The following PRELID2 variants were observed in gnomAD, a reference collection of about 807,000 sequenced individuals.
The protein encoded by PRELID2 is PRELI domain-containing protein 2.
A neutral mutation model predicts 28.4 loss-of-function variants in PRELID2; 25 were observed. The observed-to-expected ratio is 0.88, with a 90% CI of 0.64 to 1.23. The LOEUF (loss-of-function observed/expected upper bound fraction) is 1.23. PRELID2 is among the 50% of genes most tolerant of loss of function. The pLI, the probability that PRELID2 is intolerant of heterozygous loss-of-function variation, is 0.00. For missense variants in PRELID2, 201 were observed against 214.4 expected, an observed-to-expected ratio of 0.94 and a Z score of 0.39; for synonymous variants, 76 against 71.6, an observed-to-expected ratio of 1.06 and a Z score of -0.31.
chr5:145,548,736 T>C (rs976886641), intron 1 of PRELID2, among the ~76,000 whole-genome samples: 2 of 152,182 alleles, frequency 1.3e-5, no homozygotes, highest in Non-Finnish European at 2.9e-5. Flanking sequence ...ACCTTCAGTC[T>C]TGCCATCTTG....
the PRELID2 span, among the ~76,000 whole-genome samples, chr5:145,265,847 C>A: frequency 6.6e-6 from 1 of 152,116 alleles, no homozygotes; most frequent in Non-Finnish European, 1.5e-5. Flanking sequence ...AGACCTGAAA[C>A]CATAAAAATT....
intron 5 of PRELID2, among the ~76,000 whole-genome samples, chr5:145,780,319 G>A (rs1293960978): frequency 6.6e-6 from 1 of 152,158 alleles, no homozygotes; most frequent in Non-Finnish European, 1.5e-5. Flanking sequence ...AATAACAACT[G>A]ATCATTTGTT....
chr5:145,371,919 A>G, the PRELID2 span, among the ~76,000 whole-genome samples: 1 of 137,614 alleles, frequency 7.3e-6, no homozygotes, highest in East Asian at 2.3e-4. Flanking sequence ...GGATTCATTG[A>G]TTTTTGGAGA....
the PRELID2 span, among the ~76,000 whole-genome samples, chr5:145,297,475 A>G: frequency 1.3e-5 from 2 of 152,052 alleles, no homozygotes; most frequent in Non-Finnish European, 2.9e-5. Flanking sequence ...TCTCAAAATA[A>G]TAAGAGCTAT....
At chr5:145,458,242 A>G in the PRELID2 span, among the ~76,000 whole-genome samples, 2 of 152,216 alleles carry the variant, frequency 1.3e-5, no homozygotes, top group South Asian at 4.1e-4. Context: ...ACTTTTATTT[A>G]TTTAAAAATG....
intron 1 of PRELID2, among the ~76,000 whole-genome samples, chr5:145,660,652 G>T (rs951646863): frequency 2.0e-5 from 3 of 152,176 alleles, no homozygotes; most frequent in Non-Finnish European, 4.4e-5. Flanking sequence ...GGTTGTGCAT[G>T]CATAATTTAG....
At chr5:145,400,713 G>A in the PRELID2 span, among the ~76,000 whole-genome samples, 1 of 151,946 alleles carries the variant, frequency 6.6e-6, no homozygotes, top group Non-Finnish European at 1.5e-5. Context: ...TTGTTTCTTT[G>A]GACCATCTGA....
chr5:145,463,079 A>G, the PRELID2 span, among the ~76,000 whole-genome samples: 1 of 152,194 alleles, frequency 6.6e-6, no homozygotes, highest in South Asian at 2.1e-4. Flanking sequence ...GAAACTGAAC[A>G]TAAAATGATT....
At chr5:145,459,812 A>AT in the PRELID2 span, among the ~76,000 whole-genome samples, 2 of 148,328 alleles carry the variant, frequency 1.3e-5, no homozygotes, top group African/African-American at 5.2e-5. Flanking sequence ...ATTACAATTT[A>AT]ATTTTTTTTT....
At chr5:145,277,555 C>T in the PRELID2 span, among the ~76,000 whole-genome samples, 3 of 152,174 alleles carry the variant, frequency 2.0e-5, no homozygotes, top group East Asian at 1.9e-4. Flanking sequence ...CTCATAGCTA[C>T]ACCCATAACT....
the PRELID2 span, among the ~76,000 whole-genome samples, chr5:145,255,765 A>G: frequency 6.6e-6 from 1 of 152,142 alleles, no homozygotes; most frequent in African/African-American, 2.4e-5. Context: ...TGGATGACAG[A>G]GCAAGACTCT....
chr5:145,426,996 C>A, the PRELID2 span, among the ~76,000 whole-genome samples: 1 of 152,184 alleles, frequency 6.6e-6, no homozygotes, highest in African/African-American at 2.4e-5. Context: ...CTCTGAGTAA[C>A]TGAATTCACT....
At chr5:145,365,374 C>G in the PRELID2 span, among the ~76,000 whole-genome samples, 1 of 151,700 alleles carries the variant, frequency 6.6e-6, no homozygotes, top group Non-Finnish European at 1.5e-5. Flanking sequence ...TCACATTGTA[C>G]CTCATAAATA....
chr5:145,497,540 C>A (rs901570621), intron 1 of PRELID2, among the ~76,000 whole-genome samples: 2 of 152,076 alleles, frequency 1.3e-5, no homozygotes, highest in African/African-American at 4.8e-5. Flanking sequence ...TGTTTTTCAG[C>A]AGTAACTTAG....
At chr5:145,817,220 A>AATATATATATATATATATATATAT (rs1188735131) in intron 4 of PRELID2, among the ~76,000 whole-genome samples, 10 of 66,426 alleles carry the variant, frequency 1.5e-4, no homozygotes, top group East Asian at 3.1e-4. Context: ...AATAAAAAAA[A>AATATATATATATATATATATATAT]ATATATATAT....
At chr5:145,394,377 G>A in the PRELID2 span, among the ~76,000 whole-genome samples, 5 of 143,090 alleles carry the variant, frequency 3.5e-5, no homozygotes, top group Admixed American at 3.1e-4. Context: ...GGTGGGAATT[G>A]AACAATGAGA....
intron 5 of PRELID2, among the ~76,000 whole-genome samples, chr5:145,783,661 G>GA (rs1287666943): frequency 5.9e-5 from 9 of 152,092 alleles, no homozygotes; most frequent in Admixed American, 5.9e-4. Flanking sequence ...CTGGAATAGG[G>GA]AAAAAATATT....
At chr5:145,567,343 A>ATGGTTTGTGT (rs373786888) in intron 1 of PRELID2, among the ~76,000 whole-genome samples, 2 of 146,208 alleles carry the variant, frequency 1.4e-5, no homozygotes, top group East Asian at 4.0e-4. Context: ...ATGAGATCTG[A>ATGGTTTGTGT]TGGTTTGGTT....
At chr5:145,805,235 A>T (rs1243420683) in intron 4 of PRELID2, among the ~76,000 whole-genome samples, 1 of 152,190 alleles carries the variant, frequency 6.6e-6, no homozygotes, top group Non-Finnish European at 1.5e-5. Context: ...TTCTTCTTGC[A>T]TAAATTCAGT....
Sources: allele counts gnomAD v4.1 joint callset (sites outside exome capture counted in the v4.1 genomes callset), GRCh38; gene constraint gnomAD v4.1.1; transcripts MANE v1.5; gene names NCBI Gene and HGNC (gene_info 2026-07-23, HGNC 2026-07-21).